L3MBTL1: variants seen among roughly 807,000 people sequenced by gnomAD.
L3MBTL1 encodes lethal(3)malignant brain tumor-like protein 1.
A neutral mutation model predicts 105.3 loss-of-function variants in L3MBTL1; 75 were observed. The ratio of observed to expected loss-of-function variants is 0.71; its 90% CI spans 0.59 to 0.86. The LOEUF (loss-of-function observed/expected upper bound fraction) is 0.86. L3MBTL1 is among the 40% of genes least tolerant of loss of function. The pLI is 0.00. For synonymous variants in L3MBTL1, 452 were observed against 436.2 expected (o/e 1.04, Z -0.45); for missense variants, 1,069 against 1,126.4 (o/e 0.95, Z 0.73).
Position 43,540,281 on chromosome 20 carries a change from G to A in L3MBTL1, c.2304G>A (p.Ser768=), listed in dbSNP as rs768680392. 8.7e-6 allele frequency: 14 copies of A among 1,613,642 alleles called. No individual in the cohort carries two copies. The South Asian group carries it at 1.1e-4, about 13-fold the overall frequency. ...CAGGAGTAGCGGGCATCTCAGCCTC[G>A]ACAGTCGCCAAGTGGACCATCGATG... The part of the protein sequence containing the change: ...LLPGVAGISA[S]TVAKWTIDEV... The change falls in exon 20 of 22, where the codon TCG becomes TCA. Residue 768 remains serine (S), a synonymous_variant. Coordinates refer to ENST00000418998, the MANE Select transcript of L3MBTL1 (RefSeq NM_001377303.1).
intron 7 of L3MBTL1, among the ~76,000 whole-genome samples, chr20:43,522,838 C>T (rs2018805446): frequency 6.9e-6 from 1 of 144,550 alleles, no homozygotes; most frequent in South Asian, 2.2e-4. Context: ...CATGGTAGCT[C>T]ACCTCTATAA....
intron 7 of L3MBTL1, among the ~76,000 whole-genome samples, chr20:43,527,152 T>G (rs6017101): frequency 0.21 from 31,624 of 152,174 alleles, 3,619 homozygotes; most frequent in African/African-American, 0.29. Context: ...TCCAGCACTC[T>G]GTATTTCATA....
At chr20:43,522,663 G>C (rs1243668628) in intron 7 of L3MBTL1, among the ~76,000 whole-genome samples, 1 of 150,812 alleles carries the variant, frequency 6.6e-6, no homozygotes, top group Admixed American at 6.6e-5. Flanking sequence ...GTAGAGACAG[G>C]GTTCCGCCAT....
intron 20 of L3MBTL1, 116 bp from the exon 21 acceptor site, chr20:43,540,637 G>C: frequency 9.9e-7 from 1 of 1,007,748 alleles, no homozygotes; most frequent in African/African-American, 1.6e-5. Context: ...ATCCTTTTAG[G>C]CTGGTGAGAA....
chr20:43,537,830 G>A (rs2019708300), intron 19 of L3MBTL1, among the ~76,000 whole-genome samples: 1 of 152,180 alleles, frequency 6.6e-6, no homozygotes, highest in Admixed American at 6.5e-5. Context: ...TGTAACCTGG[G>A]CAGTAAGTAA....
chr20:43,514,520 A>G (rs1013589184), intron 3 of L3MBTL1, 115 bp from the exon 4 acceptor site: 6 of 1,561,336 alleles, frequency 3.8e-6, no homozygotes, highest in Non-Finnish European at 5.2e-6. Context: ...TGGAGTCTTG[A>G]GGCCTGCTGA....
At chr20:43,530,545 C>G (rs1282254655) in intron 10 of L3MBTL1, 126 bp downstream of exon 10, 1 of 1,103,730 alleles carries the variant, frequency 9.1e-7, no homozygotes, top group East Asian at 2.5e-5. Context: ...AAGCCAGCCT[C>G]TCTTCATCGC....
chr20:43,547,102 C>CTTTTTTTTTTTTTTTTTTTTTTTTT (rs11478523), intron 18 of L3MBTL1, among the ~76,000 whole-genome samples: 1 of 122,646 alleles, frequency 8.2e-6, no homozygotes, highest in Non-Finnish European at 1.7e-5. Context: ...TTTTTAATGA[C>CTTTTTTTTTTTTTTTTTTTTTTTTT]TTTTTTTTTT....
chr20:43,522,461 T>TTTTTG (rs1248844589), intron 7 of L3MBTL1, among the ~76,000 whole-genome samples: 2 of 71,724 alleles, frequency 2.8e-5, no homozygotes, highest in African/African-American at 6.7e-5. Flanking sequence ...TGCTAAGTTT[T>TTTTTG]TTTTTTTTTT....
chr20:43,518,673 GT>G (rs1472333901), intron 7 of L3MBTL1, among the ~76,000 whole-genome samples: 2 of 151,450 alleles, frequency 1.3e-5, no homozygotes, highest in South Asian at 4.2e-4. Flanking sequence ...TATGGATACT[GT>G]TTTTTTTCCT....
rs1375304100 is a variant in L3MBTL1 at position 43,536,412 on chromosome 20, T to C, written c.2127T>C (p.Ile709=). The C allele has an allele frequency of 6.2e-7, 1 of 1,614,088 alleles. No individual in the cohort carries two copies. Among genetic ancestry groups the C allele is most frequent in the Admixed American group, 1.7e-5 (1 of 60,032 alleles). ...GACCTGGTCCGTCTTTCTCCAGAAT[T>C]GGACGCCCTCCGAAGTATCGAAAGA... ...PRKKPRHHGR[I]GRPPKYRKIP... Residue 709 remains isoleucine, a synonymous_variant, in exon 19 of 22, where the codon ATT becomes ATC. Coordinates refer to ENST00000418998, the MANE Select transcript of L3MBTL1 (RefSeq NM_001377303.1).
In L3MBTL1 at chr20:43,535,952, T is replaced by C. The variant is rs200819898; in HGVS notation, c.1925+16T>C. 54 of 1,606,624 alleles carry C rather than the reference T, an allele frequency of 3.4e-5. No homozygotes were observed. In the African/African-American group the frequency reaches 6.4e-4, roughly 19 times the overall value. ...TTCACCACCGGTGAGTGAAGGTTCC[T>C]GGTGAGAGACCCTCAGCGTTGTTTT... On this transcript the variant is annotated intron_variant, in intron 17 of 21. Coordinates refer to ENST00000418998, the MANE Select transcript of L3MBTL1 (RefSeq NM_001377303.1).
chr20:43,523,319 T>C (rs909041506), intron 7 of L3MBTL1: 1 of 216,612 alleles, frequency 4.6e-6, no homozygotes, highest in Non-Finnish European at 9.9e-6. Context: ...CAATTAAACC[T>C]GGAGACATAA....
chr20:43,531,036 C>T, intron 11 of L3MBTL1, 147 bp downstream of exon 11: 2 of 680,860 alleles, frequency 2.9e-6, no homozygotes, highest in Non-Finnish European at 5.0e-6. Flanking sequence ...GGGAGGGGTA[C>T]AGCTGGGCAG....
chr20:43,512,924 AC>A (rs2018175244), intron 1 of L3MBTL1, among the ~76,000 whole-genome samples: 1 of 152,130 alleles, frequency 6.6e-6, no homozygotes, highest in Non-Finnish European at 1.5e-5. Flanking sequence ...TTGAGTGCCC[AC>A]CCTGTGCTTG....
rs149221270 is a variant in L3MBTL1, at chr20:43,536,424, G to A, written c.2139G>A (p.Pro713=). The change falls in exon 19 of 22, where the codon CCG becomes CCA. Residue 713 remains proline (P), a synonymous_variant. Transcript: ENST00000418998. ...CTTTCTCCAGAATTGGACGCCCTCC[G>A]AAGTATCGAAAGATTCCGCAGGAAG... ...PRHHGRIGRP[P]KYRKIPQEDF... is the part of the protein sequence containing the mutation. 3.0e-5 allele frequency: 48 copies of A among 1,613,922 alleles called. No individual in the cohort carries two copies. Among genetic ancestry groups the A allele is most frequent in the East Asian group, 4.5e-5 (2 of 44,894 alleles).
intron 7 of L3MBTL1, among the ~76,000 whole-genome samples, chr20:43,525,758 A>T (rs930607707): frequency 6.6e-6 from 1 of 152,006 alleles, no homozygotes; most frequent in Non-Finnish European, 1.5e-5. Flanking sequence ...CACCCGTGAA[A>T]GGGGTTACTA....
chr20:43,534,820 C>T lies in L3MBTL1; in HGVS notation c.1711-8C>T. ...AACGCCTGACTTCCAAGAGCCTTTCCTCCCCAGATCCACTTTGATGGCTGG... is the reference window on the plus strand; with the variant it reads ...AACGCCTGACTTCCAAGAGCCTTTCTTCCCCAGATCCACTTTGATGGCTGG... On this transcript the variant is annotated splice_region_variant and splice_polypyrimidine_tract_variant and intron_variant, in intron 15 of 21. Coordinates refer to ENST00000418998, the MANE Select transcript of L3MBTL1 (RefSeq NM_001377303.1). The T allele has an allele frequency of 6.2e-7, 1 of 1,602,966 alleles. No homozygotes were observed. The highest frequency in any genetic ancestry group is 8.5e-7 in the Non-Finnish European group (1 of 1,173,778).
intron 7 of L3MBTL1, among the ~76,000 whole-genome samples, chr20:43,520,110 T>G (rs2018631413): frequency 6.6e-6 from 1 of 152,206 alleles, no homozygotes; most frequent in Non-Finnish European, 1.5e-5. Flanking sequence ...GCAGTCTGCT[T>G]TCTGTATACC....
Sources: gnomAD v4.1 joint callset for allele counts (sites outside exome capture counted in the v4.1 genomes callset) on GRCh38, gnomAD v4.1.1 for gene constraint, MANE v1.5 for transcripts, NCBI Gene and HGNC (gene_info 2026-07-23, HGNC 2026-07-21) for gene names.